Variants in EIF3K observed in about 807,000 individuals in gnomAD.
EIF3K encodes eukaryotic translation initiation factor 3 subunit K.
A neutral mutation model predicts 34.2 loss-of-function variants in EIF3K; 27 were observed. The ratio of observed to expected loss-of-function variants is 0.79; its 90% CI spans 0.58 to 1.09. The LOEUF is 1.09. Ranked by LOEUF, EIF3K falls within the 50% of genes least tolerant of loss-of-function variation. The probability of loss-of-function intolerance (pLI) is 0.00; values close to 1 mark genes in which losing one functional copy is unlikely to be tolerated. For synonymous variants in EIF3K, 105 were observed against 105.7 expected (o/e 0.99, Z 0.04); for missense variants, 232 against 275.4 (o/e 0.84, Z 1.11).
chr19:38,621,376 G>A (rs1170084639), intron 2 of EIF3K, among the ~76,000 whole-genome samples: 1 of 151,974 alleles, frequency 6.6e-6, no homozygotes, highest in Admixed American at 6.6e-5. Context: ...TCATACCACT[G>A]CACTCCAGCT....
At chr19:38,635,377 G>T in intron 7 of EIF3K, 1 of 533,792 alleles carries the variant, frequency 1.9e-6, no homozygotes, top group Admixed American at 3.2e-5. Context: ...GGCCCAGCGG[G>T]GCCTCACAGG....
chr19:38,633,654 C>T (rs1034404383), intron 6 of EIF3K, among the ~76,000 whole-genome samples: 1 of 148,120 alleles, frequency 6.8e-6, no homozygotes, highest in African/African-American at 2.5e-5. Flanking sequence ...GCTGAGATCG[C>T]ACCATTGCAC....
chr19:38,633,496 G>A (rs779928539), intron 6 of EIF3K, among the ~76,000 whole-genome samples: 12 of 152,110 alleles, frequency 7.9e-5, no homozygotes, highest in Non-Finnish European at 8.8e-5. Flanking sequence ...TCAGGAGTTC[G>A]AGACCAGCCT....
chr19:38,629,484 T>C (rs1280483824), intron 4 of EIF3K, among the ~76,000 whole-genome samples: 2 of 152,006 alleles, frequency 1.3e-5, no homozygotes, highest in Non-Finnish European at 1.5e-5. Flanking sequence ...GTAGTAGAGG[T>C]TGGATTTCGC....
intron 7 of EIF3K, among the ~76,000 whole-genome samples, chr19:38,636,367 A>G (rs755991264): frequency 6.6e-6 from 1 of 152,120 alleles, no homozygotes; most frequent in Non-Finnish European, 1.5e-5. Flanking sequence ...GGATAGGTTC[A>G]AAATACTCAG....
chr19:38,621,947 C>T (rs115695188), intron 2 of EIF3K, among the ~76,000 whole-genome samples: 2,061 of 144,730 alleles, frequency 0.014, 45 homozygotes, highest in African/African-American at 0.049. Context: ...CTTCTGTTGC[C>T]CAGGCTGGAG....
intron 4 of EIF3K, chr19:38,628,485 A>C (rs547587217): frequency 2.6e-5 from 4 of 152,492 alleles, no homozygotes; most frequent in African/African-American, 9.7e-5. Flanking sequence ...CATTAGCTCC[A>C]ACCCTCTTTC....
intron 6 of EIF3K, among the ~76,000 whole-genome samples, chr19:38,633,083 G>A (rs535422690): frequency 9.9e-5 from 15 of 152,280 alleles, no homozygotes; most frequent in Admixed American, 2.6e-4. Flanking sequence ...AGAGAGGCCC[G>A]TGGCCTGAGG....
chr19:38,635,141 G>A (rs202080080), intron 7 of EIF3K, 23 bp downstream of exon 7: 23 of 1,613,902 alleles, frequency 1.4e-5, no homozygotes, highest in Non-Finnish European at 1.8e-5. Context: ...CCACGGCCTC[G>A]GGCTTTGGGG....
In EIF3K at chr19:38,632,607, G is replaced by C; in HGVS notation, c.428G>C (p.Cys143Ser). 2 of 1,613,916 alleles carry C rather than the reference G, an allele frequency of 1.2e-6. No homozygotes were observed. The highest frequency in any genetic ancestry group is 1.7e-6 in the Non-Finnish European group (2 of 1,179,902). ...GFEDSVRKFI[C>S]HVVGITYQHI... ...TTGTCTCTGACCTCCACAGTTATCT[G>C]CCATGTTGTGGGTATCACTTACCAG... The change falls in exon 6 of 8, where the codon TGC (cysteine) becomes TCC (serine). Residue 143 changes from cysteine (C) to serine (S), a missense_variant. By Grantham distance (112) the Cys-to-Ser change is moderately radical (BLOSUM62 -1). Coordinates refer to ENST00000248342, the MANE Select transcript of EIF3K (RefSeq NM_013234.4).
chr19:38,635,179 G>A (rs1299853301), intron 7 of EIF3K, 61 bp downstream of exon 7: 24 of 1,610,360 alleles, frequency 1.5e-5, no homozygotes, highest in East Asian at 2.2e-5. Flanking sequence ...AAGGGAGGCC[G>A]AGGCAGGGGC....
chr19:38,633,712 A>G (rs1453379355), intron 6 of EIF3K, among the ~76,000 whole-genome samples: 1 of 150,932 alleles, frequency 6.6e-6, no homozygotes. Context: ...AAACTAAGGA[A>G]GGCCACGTGT....
At position 38,620,459 on chromosome 19, in the gene EIF3K, C is replaced by T. The variant is rs762046648; in HGVS notation, c.158+24C>T. The T allele has an allele frequency of 5.6e-6, 9 of 1,604,016 alleles. No homozygotes were observed. In the African/African-American group the frequency reaches 9.4e-5, roughly 17 times the overall value. On this transcript the variant is annotated intron_variant, in intron 2 of 7. Coordinates refer to ENST00000248342, the MANE Select transcript of EIF3K (RefSeq NM_013234.4). ...CTGTAAGTGTCTAGCTCTCTGTCTA[C>T]ACTCCCATTGCAGCAACTAGCAGGG...
intron 3 of EIF3K, among the ~76,000 whole-genome samples, chr19:38,625,513 A>C (rs1975930689): frequency 7.8e-6 from 1 of 127,548 alleles, no homozygotes; most frequent in African/African-American, 3.7e-5. Flanking sequence ...TTTTGTTAAT[A>C]TTTTCTTTTT....
At chr19:38,620,059 A>ATTC (rs1975806496) in intron 1 of EIF3K, among the ~76,000 whole-genome samples, 1 of 152,308 alleles carries the variant, frequency 6.6e-6, no homozygotes, top group South Asian at 2.1e-4. Context: ...CCAGGTGTAC[A>ATTC]AGCTGCAGTG....
At chr19:38,625,879 A>T (rs911953988) in intron 3 of EIF3K, 149 bp from the exon 4 acceptor site, 9 of 739,748 alleles carry the variant, frequency 1.2e-5, no homozygotes, top group Non-Finnish European at 2.2e-5. Flanking sequence ...ATACACCTGC[A>T]GGAGAAATAA....
intron 2 of EIF3K, among the ~76,000 whole-genome samples, chr19:38,621,903 CTTT>C (rs914363057): frequency 4.5e-5 from 5 of 111,500 alleles, no homozygotes; most frequent in East Asian, 2.3e-4. Context: ...TCTTCGTGCC[CTTT>C]TTTTTTTTTT....
intron 3 of EIF3K, among the ~76,000 whole-genome samples, chr19:38,624,582 C>T (rs974363792): frequency 6.6e-6 from 1 of 152,040 alleles, no homozygotes; most frequent in African/African-American, 2.4e-5. Context: ...TATTAAAATA[C>T]AAAAAATTAG....
chr19:38,627,130 G>T (rs1253457451), intron 4 of EIF3K, among the ~76,000 whole-genome samples: 1 of 152,098 alleles, frequency 6.6e-6, no homozygotes, highest in Non-Finnish European at 1.5e-5. Flanking sequence ...GGGGTTACAG[G>T]CATGTGCCAT....
Sources: allele counts gnomAD v4.1 joint callset (sites outside exome capture counted in the v4.1 genomes callset), GRCh38; gene constraint gnomAD v4.1.1; transcripts MANE v1.5; gene names NCBI Gene and HGNC (gene_info 2026-07-23, HGNC 2026-07-21).